Variants in NCAN observed in about 807,000 individuals in gnomAD.
NCAN encodes neurocan core protein.
In NCAN, 47 loss-of-function variants were observed where a neutral mutation model predicts 121.8. The ratio of observed to expected loss-of-function variants is 0.39; its 90% CI spans 0.31 to 0.49. NCAN has a LOEUF of 0.49. NCAN is among the 20% of genes least tolerant of loss of function. The pLI is 0.92. For synonymous variants in NCAN, 633 were observed against 702.0 expected (o/e 0.90, Z 1.55); for missense variants, 1,517 against 1,773.4 (o/e 0.86, Z 2.60).
At position 19,249,844 on chromosome 19, in the gene NCAN, A is replaced by G; in HGVS notation, c.3899A>G (p.Lys1300Arg). The G allele has an allele frequency of 3.7e-6, 6 of 1,614,062 alleles. No homozygotes were observed. Among genetic ancestry groups the G allele is most frequent in the Admixed American group, 1.7e-5 (1 of 59,970 alleles). The change falls in exon 15 of 15, where the codon AAG becomes AGG. Residue 1300 changes from lysine (K) to arginine (R), a missense_variant. Coordinates refer to ENST00000252575, the MANE Select transcript of NCAN (RefSeq NM_004386.3). ...CAGCATCACCACCACAAATCCCGCA[A>G]GGAGCGCAGAAAACACAAGAAACAC... Reference protein sequence around the residue: ...HHQHHHHKSRKERRKHKKHPT... With the variant: ...HHQHHHHKSRRERRKHKKHPT...
At chr19:19,248,945 C>G (rs1387956723) in intron 14 of NCAN, 63 bp downstream of exon 14, 1 of 1,543,520 alleles carries the variant, frequency 6.5e-7, no homozygotes, top group Non-Finnish European at 8.9e-7. Flanking sequence ...CCAAGTAAGA[C>G]ATCCTATTTC....
intron 3 of NCAN, among the ~76,000 whole-genome samples, chr19:19,220,450 CTTTTTTTTTT>C (rs71170607): frequency 2.8e-5 from 2 of 72,694 alleles, no homozygotes; most frequent in Non-Finnish European, 4.6e-5. Flanking sequence ...TTAGGCAATT[CTTTTTTTTTT>C]TTTTTTTTTT....
chr19:19,228,269 A>C lies in NCAN; in HGVS notation c.2649A>C (p.Gly883=), dbSNP rs1043845343. Reference sequence around the variant, plus strand: ...CCCTGGAGCAGGGGGACAAGGTTGGAGTTCCAGCCATGTCTACACTGGGCT... The same window carrying C: ...CCCTGGAGCAGGGGGACAAGGTTGGCGTTCCAGCCATGTCTACACTGGGCT... The part of the protein sequence containing the change: ...LTTLEQGDKV[G]VPAMSTLGSS... The change falls in exon 8 of 15, where the codon GGA becomes GGC. Residue 883 remains glycine, a synonymous_variant. Transcript: ENST00000252575. The C allele has an allele frequency of 3.4e-5, 55 of 1,613,786 alleles. No individual in the cohort carries two copies. The highest frequency in any genetic ancestry group is 4.5e-5 in the Non-Finnish European group (53 of 1,180,002).
chr19:19,247,461 G>C (rs1315391705), intron 13 of NCAN, among the ~76,000 whole-genome samples: 1 of 152,076 alleles, frequency 6.6e-6, no homozygotes, highest in African/African-American at 2.4e-5. Context: ...CACCGTGTTA[G>C]CCAGGATGGT....
intron 10 of NCAN, among the ~76,000 whole-genome samples, chr19:19,236,729 C>A (rs560608078): frequency 0.013 from 1,794 of 136,456 alleles, 18 homozygotes; most frequent in Non-Finnish European, 0.021. Flanking sequence ...TGTGCTTGGC[C>A]TTTTTTTTTT....
chr19:19,226,847 G>C lies in NCAN; in HGVS notation c.1434G>C (p.Arg478Ser), dbSNP rs760803106. 7.4e-6 allele frequency: 12 copies of C among 1,613,054 alleles called. No individual in the cohort carries two copies. Among genetic ancestry groups the C allele is most frequent in the Non-Finnish European group, 7.6e-6 (9 of 1,179,910 alleles). ...TGGCCCCAACTGACCCTATGCCTAGGAGAAGGGGGCGCTTCAAAGGGTTGA... is the reference window on the plus strand; with the variant it reads ...TGGCCCCAACTGACCCTATGCCTAGCAGAAGGGGGCGCTTCAAAGGGTTGA... ...TEVAPTDPMP[R>S]RRGRFKGLNG... Residue 478 changes from arginine to serine, a missense_variant, in exon 7 of 15, where the codon AGG (arginine) becomes AGC (serine). Coordinates refer to ENST00000252575, the MANE Select transcript of NCAN (RefSeq NM_004386.3).
chr19:19,248,568 T>A, intron 13 of NCAN, 132 bp from the exon 14 acceptor site: 1 of 806,688 alleles, frequency 1.2e-6, no homozygotes, highest in Non-Finnish European at 1.9e-6. Flanking sequence ...GAGGTTGCAG[T>A]GAGGCAAGAG....
At chr19:19,217,127 G>A (rs1444944604) in intron 2 of NCAN, 101 bp downstream of exon 2, 3 of 811,472 alleles carry the variant, frequency 3.7e-6, no homozygotes, top group South Asian at 4.8e-5. Context: ...CTCCTGGCAT[G>A]GGCTAGAGAA....
chr19:19,238,207 T>C, intron 10 of NCAN, 46 bp from the exon 11 acceptor site: 1 of 1,611,980 alleles, frequency 6.2e-7, no homozygotes. Flanking sequence ...CTGGTAGGCC[T>C]TGGGCCAAGG....
Position 19,226,853 on chromosome 19 carries a change from G to A in NCAN, c.1440G>A (p.Arg480=). 6.2e-7 allele frequency: 1 copy of A among 1,613,110 alleles called. No individual in the cohort carries two copies. Among genetic ancestry groups the A allele is most frequent in the Non-Finnish European group, 8.5e-7 (1 of 1,179,880 alleles). Residue 480 remains arginine (R), a synonymous_variant, in exon 7 of 15, where the codon AGG becomes AGA. Coordinates refer to ENST00000252575, the MANE Select transcript of NCAN (RefSeq NM_004386.3). ...CAACTGACCCTATGCCTAGGAGAAG[G>A]GGGCGCTTCAAAGGGTTGAATGGGC... is the stretch of plus-strand genomic sequence containing the variant. ...VAPTDPMPRR[R]GRFKGLNGRY...
At chr19:19,223,901 C>T (rs2060825491) in intron 3 of NCAN, 120 bp from the exon 4 acceptor site, 4 of 1,017,874 alleles carry the variant, frequency 3.9e-6, no homozygotes, top group Non-Finnish European at 5.4e-6. Context: ...CCACACTGTG[C>T]CTGGCGCTAG....
intron 8 of NCAN, among the ~76,000 whole-genome samples, chr19:19,231,811 C>G (rs2060861015): frequency 6.6e-6 from 1 of 151,980 alleles, no homozygotes; most frequent in Non-Finnish European, 1.5e-5. Context: ...GAGACCCCGT[C>G]TCTACAAAAC....
At chr19:19,224,542 C>A in intron 5 of NCAN, 109 bp downstream of exon 5, 1 of 1,383,526 alleles carries the variant, frequency 7.2e-7, no homozygotes, top group Non-Finnish European at 9.7e-7. Flanking sequence ...TGTCTTATAC[C>A]TCCCTAAACC....
intron 13 of NCAN, among the ~76,000 whole-genome samples, chr19:19,248,338 G>A (rs369251977): frequency 1.3e-5 from 2 of 152,014 alleles, no homozygotes; most frequent in Admixed American, 6.6e-5. Context: ...CCAGCTCCTC[G>A]GGAGGTTGAG....
rs772268949 is a variant in NCAN, at chr19:19,226,915, A to G, written c.1502A>G (p.Gln501Arg). The change falls in exon 7 of 15, where the codon CAA (glutamine) becomes CGA (arginine). Residue 501 changes from glutamine to arginine, a missense_variant. Gln to Arg is a conservative substitution (Grantham distance 43). Transcript: ENST00000252575. Reference protein sequence around the residue: ...FQQQEPEPGLQGGMEASAQPP... With the variant: ...FQQQEPEPGLRGGMEASAQPP... Reference sequence around the variant, plus strand: ...CAGCAGGAACCGGAGCCGGGGCTGCAAGGGGGGATGGAGGCCAGCGCCCAG... The same window carrying G: ...CAGCAGGAACCGGAGCCGGGGCTGCGAGGGGGGATGGAGGCCAGCGCCCAG... The G allele has an allele frequency of 1.2e-6, 2 of 1,602,676 alleles. No homozygotes were observed. Among genetic ancestry groups the G allele is most frequent in the Non-Finnish European group, 8.5e-7 (1 of 1,173,324 alleles).
intron 3 of NCAN, among the ~76,000 whole-genome samples, chr19:19,221,571 AAAT>A (rs543057188): frequency 7.3e-4 from 111 of 151,338 alleles, no homozygotes; most frequent in African/African-American, 2.3e-3. Flanking sequence ...TCCATCTTAA[AAAT>A]AATAATAATA....
At chr19:19,235,775 C>T (rs184878292) in intron 10 of NCAN, among the ~76,000 whole-genome samples, 57 of 151,334 alleles carry the variant, frequency 3.8e-4, no homozygotes, top group African/African-American at 1.3e-3. Context: ...AGGGTCTCAC[C>T]CTGGCACCCA....
At position 19,219,311 on chromosome 19, in the gene NCAN, T is replaced by C; in HGVS notation, c.470T>C (p.Val157Ala). ...GAGCAGGACCTGGTGCCCTTGGAGG[T>C]GACAGGTCAGTTGGGGGCAAAGGAG... ...EDEQDLVPLE[V>A]TGVVFHYRSA... Residue 157 changes from valine to alanine, a missense_variant, in exon 3 of 15, where the codon GTG becomes GCG. Transcript: ENST00000252575. The C allele has an allele frequency of 6.5e-7, 1 of 1,533,610 alleles. No individual in the cohort carries two copies. Among genetic ancestry groups the C allele is most frequent in the Non-Finnish European group, 8.8e-7 (1 of 1,142,776 alleles).
chr19:19,250,212 G>A lies in NCAN; in HGVS notation c.*301G>A, dbSNP rs1175523422. 1.7e-6 allele frequency: 1 copy of A among 574,080 alleles called. No individual in the cohort carries two copies. The highest frequency in any genetic ancestry group is 3.9e-5 in the East Asian group (1 of 25,628). The allele number at this position is 574,080 out of a possible 1,614,324, so 35.6% of individuals were successfully genotyped here. A position where few individuals can be genotyped will look rare whatever the true frequency, so the allele number is the denominator to read the frequency against. Reference sequence around the variant, plus strand: ...AGCTCATTGGTCTGGTCTCTTGTTTGCCAGGCTGATTGAAGCAGGCCTTGA... The same window carrying A: ...AGCTCATTGGTCTGGTCTCTTGTTTACCAGGCTGATTGAAGCAGGCCTTGA... On this transcript the variant is annotated 3_prime_UTR_variant, in exon 15 of 15. Transcript: ENST00000252575.
Sources: gnomAD v4.1 joint callset for allele counts (sites outside exome capture counted in the v4.1 genomes callset) on GRCh38, gnomAD v4.1.1 for gene constraint, MANE v1.5 for transcripts, NCBI Gene and HGNC (gene_info 2026-07-23, HGNC 2026-07-21) for gene names.